Variants in FAM168A observed in about 807,000 individuals in gnomAD.
FAM168A encodes family with sequence similarity 168 member A.
A neutral mutation model predicts 28.5 loss-of-function variants in FAM168A; 3 were observed. That is an observed-to-expected ratio of 0.11 (90% CI 0.05 to 0.27). The LOEUF (loss-of-function observed/expected upper bound fraction) is 0.27, where lower values mean the gene tolerates loss of function less well. Ranked by LOEUF, FAM168A falls within the 10% of genes least tolerant of loss-of-function variation. FAM168A has a pLI of 1.00. For synonymous variants in FAM168A, 122 were observed against 124.2 expected (o/e 0.98, Z 0.12); for missense variants, 222 against 311.5 (o/e 0.71, Z 2.16).
At chr11:73,484,359 A>G (rs1868009501) in intron 1 of FAM168A, among the ~76,000 whole-genome samples, 2 of 152,046 alleles carry the variant, frequency 1.3e-5, no homozygotes, top group South Asian at 4.2e-4. Flanking sequence ...ACTCTGTATC[A>G]TCAGGTTTTC....
Position 73,409,675 on chromosome 11 carries a change from G to A in FAM168A, c.421-14C>T, listed in dbSNP as rs201339524. 6.3e-7 allele frequency: 1 copy of A among 1,591,916 alleles called. No homozygotes were observed. The highest frequency in any genetic ancestry group is 1.8e-5 in the Admixed American group (1 of 56,976). ...GTAGTAGGCTCCCTGGGGGAAAGAG[G>A]CTGAGGTCACATAGGCATTTGGAGA... On this transcript the variant is annotated splice_polypyrimidine_tract_variant and intron_variant, in intron 5 of 7. Transcript: ENST00000356467.
intron 1 of FAM168A, among the ~76,000 whole-genome samples, chr11:73,591,047 G>A (rs1425584679): frequency 6.6e-6 from 1 of 152,132 alleles, no homozygotes; most frequent in Non-Finnish European, 1.5e-5. Flanking sequence ...AAGAGGCTAA[G>A]GTAGAAGAAT....
intron 1 of FAM168A, among the ~76,000 whole-genome samples, chr11:73,546,876 G>A (rs76924246): frequency 0.039 from 5,959 of 151,858 alleles, 404 homozygotes; most frequent in African/African-American, 0.14. Flanking sequence ...TGATTTTACT[G>A]TTGTTAATTT....
At chr11:73,487,791 C>T (rs1021670034) in intron 1 of FAM168A, among the ~76,000 whole-genome samples, 2 of 152,238 alleles carry the variant, frequency 1.3e-5, no homozygotes, top group Non-Finnish European at 1.5e-5. Flanking sequence ...CTAGTTTGCT[C>T]TCTATAGTAC....
chr11:73,546,035 T>C (rs1435769175), intron 1 of FAM168A, among the ~76,000 whole-genome samples: 1 of 152,198 alleles, frequency 6.6e-6, no homozygotes, highest in Non-Finnish European at 1.5e-5. Flanking sequence ...GGCTCTTTCT[T>C]AGCTCTTCCC....
chr11:73,591,948 T>A, intron 1 of FAM168A, among the ~76,000 whole-genome samples: 1 of 152,198 alleles, frequency 6.6e-6, no homozygotes. Flanking sequence ...ATAGAGACAT[T>A]TGCTATCAAC....
At chr11:73,440,981 C>G (rs1295399519) in intron 2 of FAM168A, among the ~76,000 whole-genome samples, 1 of 151,366 alleles carries the variant, frequency 6.6e-6, no homozygotes, top group Middle Eastern at 3.2e-3. Context: ...TGGGGAGAAA[C>G]AGAAAGATGT....
chr11:73,467,837 T>C (rs1867759190), intron 2 of FAM168A, among the ~76,000 whole-genome samples: 1 of 152,192 alleles, frequency 6.6e-6, no homozygotes, highest in South Asian at 2.1e-4. Flanking sequence ...TTAATTTTGT[T>C]AGAATAAATA....
At chr11:73,442,994 A>T (rs190390661) in intron 2 of FAM168A, among the ~76,000 whole-genome samples, 3 of 131,156 alleles carry the variant, frequency 2.3e-5, no homozygotes, top group African/African-American at 8.4e-5. Flanking sequence ...ATATATATAT[A>T]TATGCCAAGC....
chr11:73,451,659 T>C (rs1253081667), intron 2 of FAM168A, among the ~76,000 whole-genome samples: 2 of 152,258 alleles, frequency 1.3e-5, no homozygotes, highest in African/African-American at 4.8e-5. Flanking sequence ...TGTGTTACAA[T>C]TGCCTACATT....
chr11:73,583,482 A>G (rs2077722960), intron 1 of FAM168A, among the ~76,000 whole-genome samples: 1 of 152,220 alleles, frequency 6.6e-6, no homozygotes, highest in African/African-American at 2.4e-5. Flanking sequence ...AAGGATGATC[A>G]GATACAACTC....
chr11:73,518,215 G>A (rs1184491922), intron 1 of FAM168A, among the ~76,000 whole-genome samples: 1 of 152,054 alleles, frequency 6.6e-6, no homozygotes, highest in Admixed American at 6.5e-5. Context: ...AATCTCCCAG[G>A]GAAGATATGC....
intron 1 of FAM168A, among the ~76,000 whole-genome samples, chr11:73,512,098 T>C (rs1855238426): frequency 6.6e-6 from 1 of 152,182 alleles, no homozygotes. Context: ...TGGATAAATG[T>C]GCCTACCATG....
chr11:73,481,722 A>T (rs1867969616), intron 1 of FAM168A, among the ~76,000 whole-genome samples: 1 of 152,182 alleles, frequency 6.6e-6, no homozygotes, highest in Non-Finnish European at 1.5e-5. Flanking sequence ...TACCTATCAC[A>T]TGTAGTTAGA....
intron 1 of FAM168A, among the ~76,000 whole-genome samples, chr11:73,596,375 GTA>G (rs1944439439): frequency 6.6e-6 from 1 of 152,134 alleles, no homozygotes; most frequent in African/African-American, 2.4e-5. Context: ...TAGTTTGGAA[GTA>G]TGCTTTTTTC....
chr11:73,440,786 C>T (rs1480107676), intron 2 of FAM168A, among the ~76,000 whole-genome samples: 1 of 152,044 alleles, frequency 6.6e-6, no homozygotes, highest in African/African-American at 2.4e-5. Flanking sequence ...ACATAAAGTT[C>T]TATATGTCAG....
chr11:73,462,246 A>G (rs1156238376), intron 2 of FAM168A, among the ~76,000 whole-genome samples: 1 of 152,236 alleles, frequency 6.6e-6, no homozygotes, highest in African/African-American at 2.4e-5. Flanking sequence ...TGCGGCATAT[A>G]CATAAAACAG....
At chr11:73,516,228 T>C (rs1197295449) in intron 1 of FAM168A, among the ~76,000 whole-genome samples, 3 of 152,216 alleles carry the variant, frequency 2.0e-5, no homozygotes, top group Non-Finnish European at 4.4e-5. Flanking sequence ...AAAAGGCTTG[T>C]AGTCAAAAGA....
At chr11:73,480,418 T>A (rs1867952104) in intron 1 of FAM168A, among the ~76,000 whole-genome samples, 1 of 151,942 alleles carries the variant, frequency 6.6e-6, no homozygotes, top group African/African-American at 2.4e-5. Flanking sequence ...AAGAACAAAT[T>A]TCAGAGAACA....
Sources: gnomAD v4.1 joint callset for allele counts (sites outside exome capture counted in the v4.1 genomes callset) on GRCh38, gnomAD v4.1.1 for gene constraint, MANE v1.5 for transcripts, NCBI Gene and HGNC (gene_info 2026-07-23, HGNC 2026-07-21) for gene names.